CEACAM21: variants seen among roughly 807,000 people sequenced by gnomAD.
CEACAM21 encodes the protein cell adhesion molecule CEACAM21.
CEACAM21 carries 38 observed loss-of-function variants against 33.2 expected under a neutral mutation model. The ratio of observed to expected loss-of-function variants is 1.14; its 90% CI spans 0.88 to 1.50. The LOEUF is 1.50. Among genes scored for constraint, CEACAM21 ranks in the 40% most tolerant of loss-of-function variants. CEACAM21 has a pLI of 0.00. For synonymous variants in CEACAM21, 156 were observed against 143.0 expected (o/e 1.09, Z -0.65); for missense variants, 385 against 364.6 (o/e 1.06, Z -0.46).
upstream of CEACAM21, among the ~76,000 whole-genome samples, chr19:41,572,476 G>A (rs1412157362): frequency 1.3e-5 from 2 of 152,096 alleles, no homozygotes; most frequent in African/African-American, 4.8e-5. Flanking sequence ...TAAGCCGGGG[G>A]AGAGCTTTGT....
Position 41,577,552 on chromosome 19 carries a change from T to A in CEACAM21, c.417T>A (p.Arg139=), listed in dbSNP as rs944968376. 6.2e-7 allele frequency: 1 copy of A among 1,613,340 alleles called. No homozygotes were observed. The highest frequency in any genetic ancestry group is 8.5e-7 in the Non-Finnish European group (1 of 1,179,854). Residue 139 remains arginine, a synonymous_variant, in exon 2 of 7, where the codon CGT becomes CGA. Transcript: ENST00000401445. ...SQIEQASHHL[R]VYESVAQPSI... is the part of the protein sequence containing the mutation. ...TTGAACAGGCATCTCACCATCTCCGTGTATACGGTGAGTGATTCCTCCGTG... is the reference window on the plus strand; with the variant it reads ...TTGAACAGGCATCTCACCATCTCCGAGTATACGGTGAGTGATTCCTCCGTG...
intron 3 of CEACAM21, 56 bp downstream of exon 3, chr19:41,579,684 G>C (rs1053051897): frequency 1.6e-6 from 2 of 1,216,030 alleles, no homozygotes; most frequent in African/African-American, 1.5e-5. Context: ...CTAGGAGGGA[G>C]GGGGGGTGTA....
chr19:41,563,432 A>G (rs2042029527), intron 1 of CEACAM21, among the ~76,000 whole-genome samples: 1 of 152,094 alleles, frequency 6.6e-6, no homozygotes, highest in Non-Finnish European at 1.5e-5. Context: ...GGTGGGGTGG[A>G]GTGGAGGCGA....
At chr19:41,575,415 T>C (rs1451296035), upstream of CEACAM21, among the ~76,000 whole-genome samples, 3 of 152,198 alleles carry the variant, frequency 2.0e-5, no homozygotes, top group Non-Finnish European at 4.4e-5. Context: ...CTCATACTCA[T>C]GTACACACCC....
At chr19:41,584,540 C>T in intron 4 of CEACAM21, 97 bp downstream of exon 4, 1 of 1,088,510 alleles carries the variant, frequency 9.2e-7, no homozygotes, top group South Asian at 1.4e-5. Flanking sequence ...AGGCTCTCCC[C>T]AGCCTCCCGA....
intron 2 of CEACAM21, among the ~76,000 whole-genome samples, chr19:41,568,704 T>G (rs1555788780): frequency 1.3e-5 from 2 of 152,256 alleles, no homozygotes; most frequent in African/African-American, 2.4e-5. Context: ...CAGTATGCTT[T>G]GATTGTCAGG....
At chr19:41,581,670 C>T (rs768754949) in intron 3 of CEACAM21, among the ~76,000 whole-genome samples, 9 of 152,214 alleles carry the variant, frequency 5.9e-5, no homozygotes, top group South Asian at 2.1e-4. Flanking sequence ...TCTTACATGG[C>T]GGCAGGCAAG....
intron 1 of CEACAM21, among the ~76,000 whole-genome samples, chr19:41,549,942 G>T (rs1289766331): frequency 6.6e-6 from 1 of 151,944 alleles, no homozygotes; most frequent in African/African-American, 2.4e-5. Flanking sequence ...CCTTTATACA[G>T]TCCATTGTCG....
At chr19:41,583,548 G>T (rs782102097) in intron 3 of CEACAM21, among the ~76,000 whole-genome samples, 1 of 152,198 alleles carries the variant, frequency 6.6e-6, no homozygotes, top group Non-Finnish European at 1.5e-5. Flanking sequence ...GAAGAAAGAG[G>T]TTTAATTGAT....
intron 1 of CEACAM21, among the ~76,000 whole-genome samples, chr19:41,555,688 A>C (rs746347177): frequency 2.7e-4 from 40 of 149,514 alleles, no homozygotes; most frequent in Middle Eastern, 3.4e-3. Flanking sequence ...TGCTGTAGAA[A>C]CATGTCTTCA....
At chr19:41,584,574 A>T in intron 4 of CEACAM21, 131 bp downstream of exon 4, 1 of 780,650 alleles carries the variant, frequency 1.3e-6, no homozygotes, top group Middle Eastern at 2.9e-4. Flanking sequence ...CTTCCCTCTC[A>T]TTCCATGGCA....
At chr19:41,573,464 T>C (rs1050249744), upstream of CEACAM21, among the ~76,000 whole-genome samples, 1 of 152,190 alleles carries the variant, frequency 6.6e-6, no homozygotes, top group Admixed American at 6.5e-5. Context: ...CCAACCAGGG[T>C]CACTGCCTTG....
chr19:41,569,651 TAGAG>T (rs142633742), intron 2 of CEACAM21, among the ~76,000 whole-genome samples: 1,603 of 152,056 alleles, frequency 0.011, 16 homozygotes, highest in Non-Finnish European at 0.016. Flanking sequence ...GCTGCACAAA[TAGAG>T]AGCCCTGGCC....
At chr19:41,567,098 G>A (rs1041309136) in intron 2 of CEACAM21, among the ~76,000 whole-genome samples, 16 of 152,056 alleles carry the variant, frequency 1.1e-4, no homozygotes, top group Admixed American at 7.2e-4. Flanking sequence ...ATGGTCCAGG[G>A]TGGAATGACA....
chr19:41,560,479 G>A (rs1261739745), intron 1 of CEACAM21, among the ~76,000 whole-genome samples: 1 of 152,062 alleles, frequency 6.6e-6, no homozygotes, highest in Non-Finnish European at 1.5e-5. Context: ...CATTAGGGCT[G>A]GTTTCTTAGC....
At chr19:41,579,293 G>C in intron 2 of CEACAM21, 60 bp from the exon 3 acceptor site, 2 of 1,613,340 alleles carry the variant, frequency 1.2e-6, no homozygotes, top group Non-Finnish European at 8.5e-7. Flanking sequence ...ATTTGACTCT[G>C]AGATCTCTGA....
intron 2 of CEACAM21, among the ~76,000 whole-genome samples, chr19:41,566,456 T>C (rs2042271159): frequency 6.6e-6 from 1 of 152,240 alleles, no homozygotes; most frequent in African/African-American, 2.4e-5. Flanking sequence ...TCTCCTTTAG[T>C]CTGTTAATGT....
chr19:41,580,853 C>G (rs1199027255), intron 3 of CEACAM21, among the ~76,000 whole-genome samples: 1 of 152,220 alleles, frequency 6.6e-6, no homozygotes, highest in African/African-American at 2.4e-5. Flanking sequence ...AGGTCCCTCC[C>G]CAGGGATTAG....
chr19:41,549,525 A>G (rs540968871), exon 1 of CEACAM21: 1 of 152,308 alleles, frequency 6.6e-6, no homozygotes, highest in East Asian at 1.9e-4. Flanking sequence ...GTCAGAGCAG[A>G]ACTTGGACTG....
Sources: gnomAD v4.1 joint callset for allele counts (sites outside exome capture counted in the v4.1 genomes callset) on GRCh38, gnomAD v4.1.1 for gene constraint, MANE v1.5 for transcripts, NCBI Gene and HGNC (gene_info 2026-07-23, HGNC 2026-07-21) for gene names.